GALNT5: variants seen among roughly 807,000 people sequenced by gnomAD.
GALNT5 encodes polypeptide N-acetylgalactosaminyltransferase 5.
A neutral mutation model predicts 85.4 loss-of-function variants in GALNT5; 72 were observed. The observed-to-expected ratio is 0.84, with a 90% CI of 0.70 to 1.03. The LOEUF (loss-of-function observed/expected upper bound fraction) is 1.03, where lower values mean the gene tolerates loss of function less well. Among genes scored for constraint, GALNT5 ranks in the 50% least tolerant of loss-of-function variants. GALNT5 has a pLI of 0.00. For missense variants in GALNT5, 1,137 were observed against 1,135.5 expected (o/e 1.00, Z -0.02); for synonymous variants, 404 against 397.0 (o/e 1.02, Z -0.21).
At position 157,259,083 on chromosome 2, in the gene GALNT5, AC is replaced by A; in HGVS notation, c.1005del (p.Glu337ArgfsTer49). The A allele has an allele frequency of 6.8e-7, 1 of 1,478,798 alleles. No individual in the cohort carries two copies. Among genetic ancestry groups the A allele is most frequent in the Non-Finnish European group, 9.0e-7 (1 of 1,113,376 alleles). 91.6% of individuals were successfully genotyped at this position (1,478,798 alleles called of 1,614,324 possible). ...IITKEEEQKA[D>X]PKEVSNSKTK... is the part of the protein sequence containing the mutation. ...ACCAAAGAGGAAGAGCAAAAGGCAGACCCCAAAGAGGTCTCTAATTCTAAAA... is the reference window on the plus strand; with the variant it reads ...ACCAAAGAGGAAGAGCAAAAGGCAGACCCAAAGAGGTCTCTAATTCTAAAA... On this transcript the variant is annotated frameshift_variant, in exon 1 of 10. Coordinates refer to ENST00000259056, the MANE Select transcript of GALNT5 (RefSeq NM_014568.3). LOFTEE classifies it high-confidence loss of function.
rs1415825981 is a variant in GALNT5 at position 157,314,920 on chromosome 2, A to C, written c.*3572A>C. On this transcript the variant is annotated 3_prime_UTR_variant, in exon 10 of 10. Coordinates refer to ENST00000259056, the MANE Select transcript of GALNT5 (RefSeq NM_014568.3). ...TGGTGAAACCCCGTCTCTACTAAAA[A>C]TACAAAAATTAGCTGGGCATGGTGG... Among the ~76,000 whole-genome samples the C allele has an allele frequency of 3.3e-5, 5 of 152,144 alleles. 1 individual carries two copies. In the East Asian group the frequency reaches 9.6e-4, roughly 29 times the overall value.
At chr2:157,280,384 CAGAG>C (rs199928955) in intron 1 of GALNT5, among the ~76,000 whole-genome samples, 3 of 152,036 alleles carry the variant, frequency 2.0e-5, no homozygotes, top group South Asian at 2.1e-4. Context: ...GATGTGAAGA[CAGAG>C]AGAGAGATTT....
chr2:157,300,100 A>G (rs1166093119), intron 6 of GALNT5, among the ~76,000 whole-genome samples: 2 of 152,266 alleles, frequency 1.3e-5, no homozygotes, highest in East Asian at 3.8e-4. Flanking sequence ...GGTGTGCCTT[A>G]TAGTACAGCT....
intron 1 of GALNT5, among the ~76,000 whole-genome samples, chr2:157,279,056 C>T (rs1429785575): frequency 6.6e-6 from 1 of 152,192 alleles, no homozygotes; most frequent in African/African-American, 2.4e-5. Context: ...TGTTAGTTTT[C>T]CTTCTAACAG....
chr2:157,286,715 G>A (rs970490240), intron 3 of GALNT5, among the ~76,000 whole-genome samples: 1 of 152,080 alleles, frequency 6.6e-6, no homozygotes, highest in Non-Finnish European at 1.5e-5. Context: ...GTGTTAGCCA[G>A]GATGGTCTCG....
intron 9 of GALNT5, among the ~76,000 whole-genome samples, chr2:157,310,331 A>G (rs1280946645): frequency 2.0e-5 from 3 of 152,102 alleles, no homozygotes; most frequent in African/African-American, 7.2e-5. Flanking sequence ...TTTTCATGCT[A>G]TTGCTACTAG....
intron 9 of GALNT5, among the ~76,000 whole-genome samples, chr2:157,310,693 T>A (rs1683550396): frequency 6.6e-6 from 1 of 152,216 alleles, no homozygotes; most frequent in Non-Finnish European, 1.5e-5. Context: ...TTTAATGCTG[T>A]TGACTTTTTC....
chr2:157,308,571 A>G lies in GALNT5; in HGVS notation c.2525A>G (p.Gln842Arg), dbSNP rs1214586241. 5 of 1,605,170 alleles carry G rather than the reference A, an allele frequency of 3.1e-6. No homozygotes were observed. Among genetic ancestry groups the G allele is most frequent in the Non-Finnish European group, 3.4e-6 (4 of 1,177,586 alleles). ...LEDCDGSKEL[Q>R]QFNYTWLRLI... ...CTTTATTCATTTCCCCCACAGCTTC[A>G]ACAATTTAATTACACCTGGTTAAGA... Residue 842 changes from glutamine to arginine, a missense_variant, in exon 9 of 10, where the codon CAA becomes CGA. Physicochemically the swap from Gln to Arg is conservative, Grantham distance 43 (BLOSUM62 1). Coordinates refer to ENST00000259056, the MANE Select transcript of GALNT5 (RefSeq NM_014568.3).
chr2:157,298,927 A>T (rs1346298678), intron 5 of GALNT5: 1 of 134,272 alleles, frequency 7.4e-6, no homozygotes, highest in African/African-American at 2.9e-5. Flanking sequence ...CTACTCATAT[A>T]CCCTTGACGG....
chr2:157,261,216 G>A (rs886933706), intron 1 of GALNT5, among the ~76,000 whole-genome samples: 8 of 152,078 alleles, frequency 5.3e-5, no homozygotes, highest in African/African-American at 1.9e-4. Flanking sequence ...TAGGGAGTCT[G>A]GGGAGGAATT....
Position 157,258,220 on chromosome 2 carries a change from G to T in GALNT5, c.138G>T (p.Lys46Asn). The T allele has an allele frequency of 6.2e-7, 1 of 1,613,798 alleles. No homozygotes were observed. Among genetic ancestry groups the T allele is most frequent in the Admixed American group, 1.7e-5 (1 of 59,958 alleles). Residue 46 changes from lysine to asparagine, a missense_variant, in exon 1 of 10, where the codon AAG becomes AAT. Transcript: ENST00000259056. ...SFSEINTRVI[K>N]EDIVRRERIG... ...GTGAGATCAACACTCGGGTCATCAA[G>T]GAAGACATTGTGAGGAGGGAGCGGA... is the stretch of plus-strand genomic sequence containing the variant.
At chr2:157,305,011 G>T (rs1040125) in intron 7 of GALNT5, among the ~76,000 whole-genome samples, 124,455 of 152,142 alleles carry the variant, frequency 0.82, 52,210 homozygotes, top group South Asian at 0.92. Flanking sequence ...ACAGCTGTTC[G>T]AGAAATCTGA....
At chr2:157,296,158 A>C (rs1338329496) in intron 4 of GALNT5, among the ~76,000 whole-genome samples, 2 of 151,680 alleles carry the variant, frequency 1.3e-5, no homozygotes, top group African/African-American at 4.8e-5. Flanking sequence ...TTTTTTCTTC[A>C]AAACTGGCTA....
rs1391774899 is a variant in GALNT5 at position 157,311,558 on chromosome 2, G to C, written c.*210G>C. 2 of 441,856 alleles carry C rather than the reference G, an allele frequency of 4.5e-6. No homozygotes were observed. Among genetic ancestry groups the C allele is most frequent in the South Asian group, 5.8e-5 (2 of 34,674 alleles). 27.4% of individuals were successfully genotyped at this position (441,856 alleles called of 1,614,324 possible). The stretch of plus-strand genomic sequence containing the variant: ...GACTGAAGTCCTTCTTCGGAACTGG[G>C]TGGCCTTTGAATTGCCTGCTTTCCA... On this transcript the variant is annotated 3_prime_UTR_variant, in exon 10 of 10. Coordinates refer to ENST00000259056, the MANE Select transcript of GALNT5 (RefSeq NM_014568.3).
intron 1 of GALNT5, among the ~76,000 whole-genome samples, chr2:157,267,869 GAAAGAACA>G (rs2105150841): frequency 6.6e-6 from 1 of 152,268 alleles, no homozygotes; most frequent in African/African-American, 2.4e-5. Flanking sequence ...GTCTACCCTA[GAAAGAACA>G]AAACATGAAA....
intron 1 of GALNT5, among the ~76,000 whole-genome samples, chr2:157,269,830 C>T (rs962245214): frequency 1.3e-5 from 2 of 152,086 alleles, no homozygotes; most frequent in African/African-American, 2.4e-5. Context: ...GATACAATTC[C>T]TTTTGTCACT....
intron 2 of GALNT5, 42 bp downstream of exon 2, chr2:157,284,490 T>A: frequency 6.4e-7 from 1 of 1,554,436 alleles, no homozygotes. Flanking sequence ...TTTCAAAGTT[T>A]GGCAGAAGCA....
chr2:157,314,045 C>G lies in GALNT5; in HGVS notation c.*2697C>G, dbSNP rs1683640983. 1 of 151,952 alleles carries G rather than the reference C, an allele frequency of 6.6e-6. No homozygotes were observed. The highest frequency in any genetic ancestry group is 1.5e-5 in the Non-Finnish European group (1 of 67,970). The allele number at this position is 151,952 out of a possible 1,614,324, so 9.4% of individuals were successfully genotyped here. ...TTAAGCATAGCCTTCTAAATTTTTT[C>G]AGGAGATTAGAATAAAGGTATACAT... On this transcript the variant is annotated 3_prime_UTR_variant, in exon 10 of 10. Transcript: ENST00000259056.
chr2:157,302,959 C>T (rs1478107151), intron 7 of GALNT5, among the ~76,000 whole-genome samples: 1 of 152,200 alleles, frequency 6.6e-6, no homozygotes, highest in Non-Finnish European at 1.5e-5. Flanking sequence ...GGACCTTTCT[C>T]CAGGTAATTT....
Sources: allele counts gnomAD v4.1 joint callset (sites outside exome capture counted in the v4.1 genomes callset), GRCh38; gene constraint gnomAD v4.1.1; transcripts MANE v1.5; gene names NCBI Gene and HGNC (gene_info 2026-07-23, HGNC 2026-07-21).